Variants in AUH observed in about 807,000 individuals in gnomAD.
AUH encodes the protein methylglutaconyl-CoA hydratase, mitochondrial.
Under a neutral mutation model 42.3 loss-of-function variants are expected in AUH, and 29 were observed. The ratio of observed to expected loss-of-function variants is 0.69; its 90% CI spans 0.51 to 0.93. AUH has a LOEUF of 0.93. Among genes scored for constraint, AUH ranks in the 40% least tolerant of loss-of-function variants. AUH has a pLI of 0.00. For synonymous variants in AUH, 174 were observed against 166.4 expected (o/e 1.05, Z -0.35); for missense variants, 452 against 438.1 (o/e 1.03, Z -0.28).
chr9:91,300,290 A>G (rs1011738436), intron 4 of AUH, among the ~76,000 whole-genome samples: 3 of 152,070 alleles, frequency 2.0e-5, no homozygotes, highest in Non-Finnish European at 4.4e-5. Context: ...CCAGATCTCT[A>G]CCTCAAACCC....
intron 3 of AUH, among the ~76,000 whole-genome samples, chr9:91,341,652 C>T (rs986898993): frequency 6.6e-6 from 1 of 152,228 alleles, no homozygotes; most frequent in African/African-American, 2.4e-5. Flanking sequence ...GGTTCACAGT[C>T]ATCCCATGAA....
chr9:91,358,492 C>T (rs1342341853), intron 1 of AUH, among the ~76,000 whole-genome samples: 1 of 152,168 alleles, frequency 6.6e-6, no homozygotes, highest in African/African-American at 2.4e-5. Flanking sequence ...GTTACTTAAC[C>T]TCTCTGATCC....
At chr9:91,215,228 T>G (rs928049440) in intron 9 of AUH, among the ~76,000 whole-genome samples, 1 of 152,216 alleles carries the variant, frequency 6.6e-6, no homozygotes, top group African/African-American at 2.4e-5. Flanking sequence ...AAAACATTTT[T>G]TTTTTCCTCT....
chr9:91,300,932 T>C (rs539588646), intron 4 of AUH, among the ~76,000 whole-genome samples: 3 of 152,336 alleles, frequency 2.0e-5, no homozygotes, highest in South Asian at 4.1e-4. Context: ...TATCAGAACA[T>C]TCATTACCAT....
At chr9:91,306,611 C>T (rs1828243928) in intron 4 of AUH, among the ~76,000 whole-genome samples, 1 of 152,136 alleles carries the variant, frequency 6.6e-6, no homozygotes, top group African/African-American at 2.4e-5. Context: ...ACTCCCAGGT[C>T]CTATCGCAGA....
chr9:91,238,200 G>T (rs751995803), intron 6 of AUH, among the ~76,000 whole-genome samples: 1 of 152,156 alleles, frequency 6.6e-6, no homozygotes, highest in Non-Finnish European at 1.5e-5. Context: ...TAGAAACCAG[G>T]TTCCCTCAAT....
intron 4 of AUH, 73 bp downstream of exon 4, chr9:91,325,245 A>G: frequency 1.7e-6 from 2 of 1,196,608 alleles, no homozygotes; most frequent in Non-Finnish European, 2.5e-6. Context: ...GCTTATATAT[A>G]ATGTGTAACT....
intron 4 of AUH, among the ~76,000 whole-genome samples, chr9:91,302,091 T>C (rs1024329771): frequency 5.3e-5 from 8 of 152,282 alleles, no homozygotes; most frequent in African/African-American, 1.7e-4. Flanking sequence ...CAGGAAAGTA[T>C]GCATCATCTC....
chr9:91,258,386 C>G (rs1468992061), intron 6 of AUH, among the ~76,000 whole-genome samples: 1 of 152,156 alleles, frequency 6.6e-6, no homozygotes, highest in Non-Finnish European at 1.5e-5. Context: ...CAGGCATGCA[C>G]CACCACACCT....
intron 1 of AUH, 43 bp downstream of exon 1, chr9:91,361,585 C>A (rs1274161857): frequency 3.2e-6 from 5 of 1,554,570 alleles, no homozygotes. Context: ...TGAGAGCGAG[C>A]GGCCGCCCGC....
intron 3 of AUH, among the ~76,000 whole-genome samples, chr9:91,355,458 G>A (rs75686929): frequency 1.1e-4 from 17 of 152,218 alleles, no homozygotes; most frequent in African/African-American, 3.4e-4. Context: ...TCGGGGGGCT[G>A]AGGCGGGAGA....
At chr9:91,276,861 C>T (rs570118489) in intron 6 of AUH, among the ~76,000 whole-genome samples, 8 of 152,264 alleles carry the variant, frequency 5.3e-5, no homozygotes, top group Admixed American at 4.6e-4. Flanking sequence ...TGGTTTTCTT[C>T]CCCAAGTAAA....
chr9:91,337,979 C>T (rs1161060955), intron 3 of AUH, among the ~76,000 whole-genome samples: 2 of 152,088 alleles, frequency 1.3e-5, no homozygotes, highest in Non-Finnish European at 1.5e-5. Context: ...AATAAGAATA[C>T]CAACTTGTAA....
At chr9:91,302,248 A>G (rs1200177090) in intron 4 of AUH, among the ~76,000 whole-genome samples, 1 of 151,940 alleles carries the variant, frequency 6.6e-6, no homozygotes, top group Non-Finnish European at 1.5e-5. Flanking sequence ...CAGGTGGATC[A>G]TTTAAGGTCA....
chr9:91,217,535 CAT>C (rs554400107), intron 7 of AUH, among the ~76,000 whole-genome samples: 314 of 152,184 alleles, frequency 2.1e-3, no homozygotes, highest in Middle Eastern at 6.8e-3. Context: ...TTAGATTCCA[CAT>C]GTTTTGTTAT....
At chr9:91,345,303 A>G (rs1831412359) in intron 3 of AUH, among the ~76,000 whole-genome samples, 1 of 152,210 alleles carries the variant, frequency 6.6e-6, no homozygotes, top group Admixed American at 6.5e-5. Context: ...ACCCCAGAGT[A>G]TCTACAAAAA....
At chr9:91,250,954 T>C (rs1168200024) in intron 6 of AUH, among the ~76,000 whole-genome samples, 1 of 152,164 alleles carries the variant, frequency 6.6e-6, no homozygotes, top group Non-Finnish European at 1.5e-5. Flanking sequence ...AAGTATTTGA[T>C]AAAGAGAAGA....
intron 4 of AUH, among the ~76,000 whole-genome samples, chr9:91,323,286 C>G (rs1306020706): frequency 2.6e-5 from 4 of 152,110 alleles, no homozygotes; most frequent in East Asian, 3.8e-4. Context: ...AGAATTAACA[C>G]AAGTAATTAT....
intron 3 of AUH, among the ~76,000 whole-genome samples, chr9:91,347,626 T>C (rs1334818471): frequency 6.6e-6 from 1 of 152,226 alleles, no homozygotes; most frequent in Non-Finnish European, 1.5e-5. Flanking sequence ...TTAAGAGCTC[T>C]GTACCAAGAA....
Sources: gnomAD v4.1 joint callset for allele counts (sites outside exome capture counted in the v4.1 genomes callset) on GRCh38, gnomAD v4.1.1 for gene constraint, MANE v1.5 for transcripts, NCBI Gene and HGNC (gene_info 2026-07-23, HGNC 2026-07-21) for gene names.